PAM: variants seen among roughly 807,000 people sequenced by gnomAD.
PAM encodes peptidylglycine alpha-amidating monooxygenase.
PAM carries 72 observed loss-of-function variants against 122.1 expected under a neutral mutation model. The observed-to-expected ratio is 0.59, with a 90% CI of 0.49 to 0.72. PAM has a LOEUF of 0.72. Ranked by LOEUF, PAM falls within the 30% of genes least tolerant of loss-of-function variation. PAM has a pLI of 0.00. For synonymous variants in PAM, 389 were observed against 404.4 expected (o/e 0.96, Z 0.46); for missense variants, 1,106 against 1,183.7 (o/e 0.93, Z 0.96).
chr5:102,924,389 C>T (rs1308386861), intron 5 of PAM, among the ~76,000 whole-genome samples: 21 of 149,122 alleles, frequency 1.4e-4, no homozygotes, highest in Admixed American at 1.1e-3. Flanking sequence ...GTCAAGATCG[C>T]GCCATTGCAC....
At chr5:102,848,619 A>T (rs1237984480) in intron 1 of PAM, among the ~76,000 whole-genome samples, 1 of 152,212 alleles carries the variant, frequency 6.6e-6, no homozygotes, top group Non-Finnish European at 1.5e-5. Context: ...GTCTGGAGAA[A>T]GGGAGAATTT....
intron 1 of PAM, among the ~76,000 whole-genome samples, chr5:102,770,476 T>A (rs565784093): frequency 6.6e-6 from 1 of 152,132 alleles, no homozygotes; most frequent in African/African-American, 2.4e-5. Flanking sequence ...TTTTTTCCCA[T>A]CCAGTAAGAT....
At chr5:102,801,160 G>T (rs1410027348) in intron 1 of PAM, among the ~76,000 whole-genome samples, 2 of 151,994 alleles carry the variant, frequency 1.3e-5, no homozygotes, top group Admixed American at 1.3e-4. Context: ...CGACTGGAGG[G>T]TTCCACCTCA....
intron 3 of PAM, among the ~76,000 whole-genome samples, chr5:102,888,445 T>G (rs1370316489): frequency 2.0e-5 from 3 of 152,012 alleles, no homozygotes; most frequent in Non-Finnish European, 2.9e-5. Context: ...CTAATTTAAA[T>G]CAAATTAATA....
In PAM at chr5:102,866,112, T is replaced by C. The variant is rs966221349; in HGVS notation, c.-84T>C. 1.2e-6 allele frequency: 1 copy of C among 849,114 alleles called. No individual in the cohort carries two copies. Among genetic ancestry groups the C allele is most frequent in the African/African-American group, 1.8e-5 (1 of 57,126 alleles). The allele number at this position is 849,114 out of a possible 1,614,324, so 52.6% of individuals were successfully genotyped here. On this transcript the variant is annotated 5_prime_UTR_variant, in exon 2 of 26. Coordinates refer to ENST00000438793, the MANE Select transcript of PAM (RefSeq NM_001177306.2). ...GCCCGGGCCATGAAGTAGCGGCTGC[T>C]GGCGGCGCCGCTGCCCAACCGCCAG...
intron 1 of PAM, among the ~76,000 whole-genome samples, chr5:102,755,768 C>G (rs1443148843): frequency 6.6e-6 from 1 of 151,334 alleles, no homozygotes; most frequent in African/African-American, 2.4e-5. Flanking sequence ...AAAGCCTCCT[C>G]GGTTCTCCGC....
At chr5:103,011,520 T>C (rs1160425687) in intron 21 of PAM, among the ~76,000 whole-genome samples, 3 of 152,222 alleles carry the variant, frequency 2.0e-5, no homozygotes, top group Non-Finnish European at 4.4e-5. Flanking sequence ...CATGTCATGT[T>C]TGTCTTTCTG....
intron 1 of PAM, among the ~76,000 whole-genome samples, chr5:102,779,737 T>C (rs1758107254): frequency 1.3e-5 from 2 of 151,768 alleles, no homozygotes; most frequent in Admixed American, 1.3e-4. Flanking sequence ...TCTCCCATGC[T>C]GGATGCTGGA....
intron 19 of PAM, 137 bp from the exon 20 acceptor site, chr5:103,007,320 A>G: frequency 1.4e-6 from 1 of 718,578 alleles, no homozygotes; most frequent in Non-Finnish European, 2.4e-6. Flanking sequence ...AAATAATCTT[A>G]TAAACTGCTT....
intron 1 of PAM, among the ~76,000 whole-genome samples, chr5:102,777,254 T>C (rs749521729): frequency 6.6e-6 from 1 of 152,096 alleles, no homozygotes; most frequent in Non-Finnish European, 1.5e-5. Flanking sequence ...TCAAATCTCA[T>C]TGTTACTCAT....
At chr5:102,932,417 G>C (rs1018418203) in intron 7 of PAM, among the ~76,000 whole-genome samples, 1 of 151,824 alleles carries the variant, frequency 6.6e-6, no homozygotes, top group Non-Finnish European at 1.5e-5. Flanking sequence ...GAACCCGGGA[G>C]GCAGAGGTTG....
rs1445564678 is a variant in PAM, at chr5:102,864,036, T to C, written c.-373-1787T>C. Among the ~76,000 whole-genome samples the C allele has an allele frequency of 4.0e-5, 6 of 151,396 alleles. No homozygotes were observed. The East Asian group carries it at 1.2e-3, about 29-fold the overall frequency. On this transcript the variant is annotated intron_variant, in intron 1 of 25. Transcript: ENST00000438793. ...AGGCTAGTACTTAAGGGTGTGTTCC[T>C]GTTAGAGAATTTTAATACTTAATTT...
chr5:103,025,636 G>A (rs990862014), intron 24 of PAM, among the ~76,000 whole-genome samples: 2 of 152,116 alleles, frequency 1.3e-5, no homozygotes, highest in African/African-American at 4.8e-5. Context: ...GTAGGTAGTA[G>A]AGTCAGTATA....
chr5:103,009,909 A>C (rs1323150731), intron 21 of PAM, 43 bp downstream of exon 21: 1 of 999,186 alleles, frequency 1.0e-6, no homozygotes, highest in Admixed American at 2.4e-5. Flanking sequence ...CATGAGAAGA[A>C]GACTAAAATA....
At chr5:103,000,856 C>CT (rs1777172230) in intron 16 of PAM, among the ~76,000 whole-genome samples, 1 of 152,152 alleles carries the variant, frequency 6.6e-6, no homozygotes, top group African/African-American at 2.4e-5. Context: ...CACCAAGTCC[C>CT]TCCCATGACA....
chr5:102,946,559 T>C (rs1757112297), intron 7 of PAM, among the ~76,000 whole-genome samples: 1 of 148,176 alleles, frequency 6.7e-6, no homozygotes, highest in Non-Finnish European at 1.5e-5. Flanking sequence ...TTCTAGTATC[T>C]AGTATGTCTG....
chr5:102,889,769 G>A (rs1032716818), intron 3 of PAM, among the ~76,000 whole-genome samples: 1 of 151,848 alleles, frequency 6.6e-6, no homozygotes, highest in Non-Finnish European at 1.5e-5. Flanking sequence ...TATTGGGCCT[G>A]TCTAGAACCA....
intron 16 of PAM, among the ~76,000 whole-genome samples, chr5:103,001,693 G>A (rs1044565977): frequency 1.3e-5 from 2 of 151,882 alleles, no homozygotes; most frequent in African/African-American, 4.8e-5. Flanking sequence ...TTTTTTAATG[G>A]CCAAAGAATA....
chr5:102,829,441 G>C (rs1224333371), intron 1 of PAM, among the ~76,000 whole-genome samples: 1 of 148,854 alleles, frequency 6.7e-6, no homozygotes, highest in African/African-American at 2.5e-5. Context: ...TCGCGATCTC[G>C]GTTCACTGCA....
Sources: allele counts gnomAD v4.1 joint callset (sites outside exome capture counted in the v4.1 genomes callset), GRCh38; gene constraint gnomAD v4.1.1; transcripts MANE v1.5; gene names NCBI Gene and HGNC (gene_info 2026-07-23, HGNC 2026-07-21).